CTNNA2: variants seen among roughly 807,000 people sequenced by gnomAD.
CTNNA2 encodes catenin alpha-2.
CTNNA2 carries 42 observed loss-of-function variants against 101.0 expected under a neutral mutation model. That is an observed-to-expected ratio of 0.42 (90% CI 0.32 to 0.54). The LOEUF (loss-of-function observed/expected upper bound fraction) is 0.54. Ranked by LOEUF, CTNNA2 falls within the 20% of genes least tolerant of loss-of-function variation. The probability of loss-of-function intolerance (pLI) is 0.14; values close to 1 mark genes in which losing one functional copy is unlikely to be tolerated. For missense variants in CTNNA2, 871 were observed against 1,223.1 expected (o/e 0.71, Z 4.29); for synonymous variants, 450 against 456.4 (o/e 0.99, Z 0.18).
chr2:79,620,740 GAGCCTAC>G (rs530513813), intron 1 of CTNNA2, among the ~76,000 whole-genome samples: 38 of 152,178 alleles, frequency 2.5e-4, no homozygotes, highest in Non-Finnish European at 2.8e-4. Context: ...CTGAAGGTTA[GAGCCTAC>G]AGTTTTGGTG....
intron 1 of CTNNA2, among the ~76,000 whole-genome samples, chr2:79,606,554 C>G (rs1305630313): frequency 6.6e-6 from 1 of 152,154 alleles, no homozygotes; most frequent in Non-Finnish European, 1.5e-5. Flanking sequence ...AGGCGTGAGC[C>G]ACCACGCCTG....
chr2:79,744,264 A>C (rs1671488676), intron 2 of CTNNA2, 123 bp from the exon 3 acceptor site: 2 of 904,192 alleles, frequency 2.2e-6, no homozygotes, highest in East Asian at 2.7e-5. Flanking sequence ...AGTGATGTGC[A>C]TTCATGATTT....
chr2:79,593,485 C>T (rs75774435), intron 1 of CTNNA2, among the ~76,000 whole-genome samples: 3,652 of 152,194 alleles, frequency 0.024, 148 homozygotes, highest in African/African-American at 0.081. Context: ...TCTTTCTTTC[C>T]ACTTGGTCTA....
At chr2:79,846,958 A>G (rs1045679424) in intron 3 of CTNNA2, among the ~76,000 whole-genome samples, 1 of 152,238 alleles carries the variant, frequency 6.6e-6, no homozygotes, top group Non-Finnish European at 1.5e-5. Flanking sequence ...CTTAAAAAGT[A>G]GTGTGGGAAC....
At chr2:80,430,296 G>C (rs981702074) in intron 9 of CTNNA2, among the ~76,000 whole-genome samples, 16 of 152,150 alleles carry the variant, frequency 1.1e-4, no homozygotes, top group African/African-American at 3.9e-4. Flanking sequence ...CACTTAGCTT[G>C]TTCCCTATGC....
chr2:79,977,376 A>T (rs770208903), intron 7 of CTNNA2, among the ~76,000 whole-genome samples: 1 of 152,102 alleles, frequency 6.6e-6, no homozygotes, highest in Non-Finnish European at 1.5e-5. Context: ...AACTGGGGCA[A>T]TGGTGCTACT....
At position 79,718,952 on chromosome 2, in the gene CTNNA2, C is replaced by A. The variant is rs1164643602; in HGVS notation, c.103-25435C>A. On this transcript the variant is annotated intron_variant, in intron 2 of 18. Transcript: ENST00000402739. ...ATTTTTATTTCTGATACAGGGGGTA[C>A]ATGTACAGGTTTGTTACATGGGTAT... is the stretch of plus-strand genomic sequence containing the variant. Among the ~76,000 whole-genome samples the A allele has an allele frequency of 3.3e-5, 5 of 151,802 alleles. No homozygotes were observed. In the East Asian group the frequency reaches 7.8e-4, roughly 24 times the overall value.
intron 1 of CTNNA2, among the ~76,000 whole-genome samples, chr2:79,527,570 A>G (rs1287248948): frequency 6.6e-6 from 1 of 151,444 alleles, no homozygotes; most frequent in African/African-American, 2.4e-5. Context: ...GCTTGAACCC[A>G]GGAGGCGGAG....
chr2:80,253,878 G>A (rs1671946747), intron 7 of CTNNA2, among the ~76,000 whole-genome samples: 1 of 152,142 alleles, frequency 6.6e-6, no homozygotes, highest in Non-Finnish European at 1.5e-5. Flanking sequence ...AGATAGGGTT[G>A]GGGGTTGAAG....
At chr2:79,350,793 A>G (rs1206862177) in intron 3 of CTNNA2, among the ~76,000 whole-genome samples, 1 of 152,060 alleles carries the variant, frequency 6.6e-6, no homozygotes, top group Non-Finnish European at 1.5e-5. Context: ...ATCCACACCA[A>G]CATCTGTTGT....
At chr2:80,248,523 C>T (rs1052313622) in intron 7 of CTNNA2, among the ~76,000 whole-genome samples, 3 of 152,092 alleles carry the variant, frequency 2.0e-5, no homozygotes, top group Admixed American at 6.6e-5. Flanking sequence ...TTGTTTTATC[C>T]CATTAGTGTG....
At chr2:79,383,488 C>T (rs761935889) in intron 4 of CTNNA2, among the ~76,000 whole-genome samples, 1 of 152,066 alleles carries the variant, frequency 6.6e-6, no homozygotes, top group African/African-American at 2.4e-5. Context: ...AATACCCATG[C>T]TGTTAGAGGG....
chr2:80,107,944 AC>A (rs1324421184), intron 7 of CTNNA2, among the ~76,000 whole-genome samples: 1 of 151,894 alleles, frequency 6.6e-6, no homozygotes, highest in African/African-American at 2.4e-5. Flanking sequence ...GTAAGTTGGC[AC>A]CCCTGTCACA....
intron 7 of CTNNA2, among the ~76,000 whole-genome samples, chr2:80,356,905 C>T (rs1673868761): frequency 6.6e-6 from 1 of 152,148 alleles, no homozygotes; most frequent in Non-Finnish European, 1.5e-5. Context: ...ATAAACCAGG[C>T]AAGTGCTATG....
chr2:80,339,540 G>A (rs1290789750), intron 7 of CTNNA2, among the ~76,000 whole-genome samples: 2 of 152,172 alleles, frequency 1.3e-5, no homozygotes, highest in Non-Finnish European at 2.9e-5. Flanking sequence ...GCAGAGAGAA[G>A]TAGAAATACC....
At chr2:79,952,361 G>T (rs898526273) in intron 7 of CTNNA2, among the ~76,000 whole-genome samples, 1 of 152,058 alleles carries the variant, frequency 6.6e-6, no homozygotes, top group Non-Finnish European at 1.5e-5. Context: ...CTTTGCACAG[G>T]GATGGACAGA....
At chr2:79,979,958 G>A (rs150442926) in intron 7 of CTNNA2, among the ~76,000 whole-genome samples, 43 of 152,274 alleles carry the variant, frequency 2.8e-4, no homozygotes, top group Non-Finnish European at 5.4e-4. Flanking sequence ...CTGAGACTTT[G>A]TGTTCTCATC....
At chr2:80,218,361 A>T (rs1365461315) in intron 7 of CTNNA2, among the ~76,000 whole-genome samples, 1 of 152,214 alleles carries the variant, frequency 6.6e-6, no homozygotes, top group Non-Finnish European at 1.5e-5. Flanking sequence ...AGGTGGGCAG[A>T]CCTTCAGGAC....
rs570937309 is a variant in CTNNA2 at position 80,556,638 on chromosome 2, TAA to T, written c.1741+746_1741+747del. On this transcript the variant is annotated intron_variant, in intron 12 of 18. Coordinates refer to ENST00000402739, the MANE Select transcript of CTNNA2 (RefSeq NM_001282597.3). ...ACAATCTACAACTCTGGAGAATATA[TAA>T]GACTGGCCTGTTTTTAGTAGTTCTC... Among the ~76,000 whole-genome samples, 756 of 152,284 alleles carry T rather than the reference TAA, an allele frequency of 5.0e-3. 5 individuals are homozygous for T. Among genetic ancestry groups the T allele is most frequent in the Non-Finnish European group, 7.2e-3 (489 of 68,028 alleles).
Sources: gnomAD v4.1 joint callset for allele counts (sites outside exome capture counted in the v4.1 genomes callset) on GRCh38, gnomAD v4.1.1 for gene constraint, MANE v1.5 for transcripts, NCBI Gene and HGNC (gene_info 2026-07-23, HGNC 2026-07-21) for gene names.